The following SDC3 variants were observed in gnomAD, a reference collection of about 807,000 sequenced individuals.
The protein encoded by SDC3 is syndecan 3, also known as syndecan-3.
Under a neutral mutation model 24.4 loss-of-function variants are expected in SDC3, and 13 were observed. The observed-to-expected ratio is 0.53, with a 90% CI of 0.35 to 0.85. SDC3 has a LOEUF of 0.85. SDC3 is among the 40% of genes least tolerant of loss of function. The probability of loss-of-function intolerance (pLI) is 0.01; values close to 1 mark genes in which losing one functional copy is unlikely to be tolerated. For missense variants in SDC3, 571 were observed against 584.5 expected (o/e 0.98, Z 0.24); for synonymous variants, 295 against 260.9 (o/e 1.13, Z -1.26).
chr1:30,893,184 T>G (rs987365184), intron 1 of SDC3, among the ~76,000 whole-genome samples: 2 of 151,286 alleles, frequency 1.3e-5, no homozygotes, highest in East Asian at 3.9e-4. Flanking sequence ...AATCGGCCCA[T>G]GCAATCTCTG....
chr1:30,877,402 G>A, intron 2 of SDC3: 4 of 623,390 alleles, frequency 6.4e-6, no homozygotes, highest in Non-Finnish European at 1.2e-5. Flanking sequence ...CCTCTCCCGG[G>A]AAGCCTTCCT....
In SDC3 at chr1:30,869,556, A is replaced by AAAC. The variant is rs1557509290; in HGVS notation, c.*3654_*3655insGTT. The AAAC allele has an allele frequency of 6.3e-5, 23 of 365,970 alleles. No individual in the cohort carries two copies. The highest frequency in any genetic ancestry group is 6.0e-4 in the South Asian group (4 of 6,704). 22.7% of individuals were successfully genotyped at this position (365,970 alleles called of 1,614,324 possible). ...ACAAACAAAAAAAAAAAAAAAAAAAAAAAAACAAAAACAAAACCAGTTCCT... is the reference window on the plus strand; with the variant it reads ...ACAAACAAAAAAAAAAAAAAAAAAAAAACAAAAACAAAAACAAAACCAGTTCCT... On this transcript the variant is annotated 3_prime_UTR_variant, in exon 5 of 5. Coordinates refer to ENST00000339394, the MANE Select transcript of SDC3 (RefSeq NM_014654.4).
chr1:30,884,120 A>G (rs1200415155), intron 1 of SDC3, among the ~76,000 whole-genome samples: 3 of 152,084 alleles, frequency 2.0e-5, no homozygotes, highest in Non-Finnish European at 4.4e-5. Context: ...CCTGGCCAGG[A>G]AGCCGGCAGT....
intron 1 of SDC3, among the ~76,000 whole-genome samples, chr1:30,885,540 G>T (rs537989996): frequency 1.3e-5 from 2 of 152,184 alleles, no homozygotes; most frequent in Non-Finnish European, 2.9e-5. Flanking sequence ...AAACTTCCGG[G>T]TCCCCTGGTT....
chr1:30,893,137 G>A (rs529716822), intron 1 of SDC3, among the ~76,000 whole-genome samples: 1 of 152,280 alleles, frequency 6.6e-6, no homozygotes, highest in East Asian at 1.9e-4. Flanking sequence ...CAAAAGGGAG[G>A]GAAGTGCTGA....
intron 1 of SDC3, among the ~76,000 whole-genome samples, chr1:30,906,118 C>G (rs12563707): frequency 0.3 from 45,694 of 152,074 alleles, 7,318 homozygotes; most frequent in East Asian, 0.52. Context: ...ACCTCAGTCC[C>G]TCCTGCTGCA....
In SDC3 at chr1:30,877,085, C is replaced by T; in HGVS notation, c.337G>A (p.Val113Met). 1 of 1,613,930 alleles carries T rather than the reference C, an allele frequency of 6.2e-7. No homozygotes were observed. The highest frequency in any genetic ancestry group is 8.5e-7 in the Non-Finnish European group (1 of 1,179,972). ...VALAVSTTPA[V>M]LPTTNIQPVG... ...GGCTGGATGTTCGTGGTGGGCAGCA[C>T]CGCAGGTGTGGTGGACACCGCCAGG... The change falls in exon 3 of 5, where the codon GTG (valine) becomes ATG (methionine). Residue 113 changes from valine (V) to methionine (M), a missense_variant. By Grantham distance (21) the Val-to-Met change is conservative (BLOSUM62 1). Transcript: ENST00000339394.
At chr1:30,878,833 T>C (rs1489655521) in intron 1 of SDC3, 93 bp from the exon 2 acceptor site, 1 of 936,930 alleles carries the variant, frequency 1.1e-6, no homozygotes, top group East Asian at 2.4e-5. Context: ...GTGGGCTGAG[T>C]GACATCCACG....
intron 1 of SDC3, among the ~76,000 whole-genome samples, chr1:30,895,531 T>C (rs957870531): frequency 1.3e-5 from 2 of 152,202 alleles, no homozygotes; most frequent in African/African-American, 4.8e-5. Flanking sequence ...ACACTTCATC[T>C]CTGGGTTCAG....
At chr1:30,888,460 G>A (rs561925536) in intron 1 of SDC3, among the ~76,000 whole-genome samples, 1 of 152,324 alleles carries the variant, frequency 6.6e-6, no homozygotes, top group South Asian at 2.1e-4. Flanking sequence ...ACCTGCTGGA[G>A]TCAGCCTGAG....
In SDC3 at chr1:30,874,524, C is replaced by T; in HGVS notation, c.935G>A (p.Gly312Glu). The change falls in exon 4 of 5, where the codon GGG (glycine) becomes GAG (glutamate). Residue 312 changes from glycine to glutamate, a missense_variant. Physicochemically the swap from Gly to Glu is moderately conservative, Grantham distance 98 (BLOSUM62 -2). Coordinates refer to ENST00000339394, the MANE Select transcript of SDC3 (RefSeq NM_014654.4). ...RDEPEVPVSG[G>E]PSGDFELPEE... The stretch of plus-strand genomic sequence containing the variant: ...TGGCAGCTCGAAGTCTCCACTGGGC[C>T]CCCCACTCACCGGAACCTCTGGCTC... 1.9e-6 allele frequency: 3 copies of T among 1,614,136 alleles called. No individual in the cohort carries two copies. The highest frequency in any genetic ancestry group is 2.5e-6 in the Non-Finnish European group (3 of 1,180,024).
intron 1 of SDC3, among the ~76,000 whole-genome samples, chr1:30,882,579 G>C (rs539525348): frequency 7.2e-5 from 11 of 152,348 alleles, no homozygotes; most frequent in Non-Finnish European, 1.2e-4. Flanking sequence ...CATCAGGGCT[G>C]TGATGGGTGA....
chr1:30,903,799 G>A (rs999221974), intron 1 of SDC3, among the ~76,000 whole-genome samples: 2 of 152,130 alleles, frequency 1.3e-5, no homozygotes, highest in African/African-American at 2.4e-5. Flanking sequence ...AGCAAGAGGG[G>A]GTAAATTTAG....
chr1:30,903,742 G>A (rs548826718), intron 1 of SDC3, among the ~76,000 whole-genome samples: 2 of 152,156 alleles, frequency 1.3e-5, no homozygotes, highest in African/African-American at 4.8e-5. Context: ...ATAATCCAGG[G>A]GGTAGGGAGG....
rs768739693 is a variant in SDC3, at chr1:30,877,033, G to A, written c.389C>T (p.Pro130Leu). 5 of 1,613,908 alleles carry A rather than the reference G, an allele frequency of 3.1e-6. No individual in the cohort carries two copies. The East Asian group carries it at 8.9e-5, about 29-fold the overall frequency. ...QPVGTPFEELPSERPTLEPAT... is the reference protein window; with the variant it reads ...QPVGTPFEELLSERPTLEPAT... ...TGGCTCCAGGGTGGGGCGCTCAGAG[G>A]GGAGCTCTTCAAATGGTGTGCCCAC... The change falls in exon 3 of 5, where the codon CCC (proline) becomes CTC (leucine). Residue 130 changes from proline to leucine, a missense_variant. Pro to Leu is a moderately conservative substitution (Grantham distance 98). Around this residue, in one of 2 missense-constraint regions of SDC3, gnomAD observed 497 missense variants for 471.6 expected, o/e 1.05. Transcript: ENST00000339394.
Position 30,869,542 on chromosome 1 carries a change from A to C in SDC3, c.*3669T>G, listed in dbSNP as rs1352164191. The stretch of plus-strand genomic sequence containing the variant: ...TGTTAAAAAAACAAACAAACAAAAA[A>C]AAAAAAAAAAAAAAAAAAACAAAAA... On this transcript the variant is annotated 3_prime_UTR_variant, in exon 5 of 5. Transcript: ENST00000339394. 7.5e-3 allele frequency: 2,226 copies of C among 295,808 alleles called. 6 individuals are homozygous for C. Among genetic ancestry groups the C allele is most frequent in the African/African-American group, 0.019 (777 of 41,772 alleles). The allele number at this position is 295,808 out of a possible 1,614,324, so 18.3% of individuals were successfully genotyped here. A position where few individuals can be genotyped will look rare whatever the true frequency, so the allele number is the denominator to read the frequency against.
Position 30,874,479 on chromosome 1 carries a change from G to A in SDC3, c.980C>T (p.Pro327Leu), listed in dbSNP as rs1569988305. Residue 327 changes from proline to leucine, a missense_variant, in exon 4 of 5, where the codon CCA (proline) becomes CTA (leucine). Pro to Leu is a moderately conservative substitution (Grantham distance 98). Around this residue, in one of 2 missense-constraint regions of SDC3, gnomAD observed 497 missense variants for 471.6 expected, o/e 1.05. Coordinates refer to ENST00000339394, the MANE Select transcript of SDC3 (RefSeq NM_014654.4). The stretch of plus-strand genomic sequence containing the variant: ...AGCTACCACCTCATTGGCTGTGTCT[G>A]GTTGTGTGGTCTCTTCTTCTGGCAG... ...FELPEEETTQ[P>L]DTANEVVAVG... 1 of 1,614,166 alleles carries A rather than the reference G, an allele frequency of 6.2e-7. No individual in the cohort carries two copies. Among genetic ancestry groups the A allele is most frequent in the Middle Eastern group, 1.7e-4 (1 of 6,060 alleles).
chr1:30,908,457 C>G lies in SDC3; in HGVS notation c.130G>C (p.Ala44Pro), dbSNP rs1195364497. 1.9e-6 allele frequency: 2 copies of G among 1,037,162 alleles called. No individual in the cohort carries two copies. Among genetic ancestry groups the G allele is most frequent in the Non-Finnish European group, 2.3e-6 (2 of 859,926 alleles). 64.2% of individuals were successfully genotyped at this position (1,037,162 alleles called of 1,614,324 possible). ...GGGCGCGTGTCACTCACCCCCGCGGCGCGCCCCGCCAGCAGCAGCAGCAGC... is the reference window on the plus strand; with the variant it reads ...GGGCGCGTGTCACTCACCCCCGCGGGGCGCCCCGCCAGCAGCAGCAGCAGC... ...PLLLLLLAGR[A>P]AGAQRWRSEN... The change falls in exon 1 of 5, where the codon GCC becomes CCC. Residue 44 changes from alanine to proline, a missense_variant. By Grantham distance (27) the Ala-to-Pro change is conservative. Transcript: ENST00000339394.
At chr1:30,884,909 C>T (rs1281866274) in intron 1 of SDC3, among the ~76,000 whole-genome samples, 1 of 152,164 alleles carries the variant, frequency 6.6e-6, no homozygotes, top group Non-Finnish European at 1.5e-5. Flanking sequence ...TGGAATATTA[C>T]GCAGCTATCA....
Sources: gnomAD v4.1 joint callset for allele counts (sites outside exome capture counted in the v4.1 genomes callset) on GRCh38, gnomAD v4.1.1 for gene constraint, gnomAD v4.1.1 regional missense constraint, MANE v1.5 for transcripts, NCBI Gene and HGNC (gene_info 2026-07-23, HGNC 2026-07-21) for gene names.